Variants in SUGCT observed in about 807,000 individuals in gnomAD.
The protein encoded by SUGCT is succinyl-CoA:glutarate CoA-transferase.
SUGCT carries 41 observed loss-of-function variants against 55.0 expected under a neutral mutation model. The observed-to-expected ratio is 0.74, with a 90% CI of 0.58 to 0.97. The LOEUF (loss-of-function observed/expected upper bound fraction) is 0.97, where lower values mean the gene tolerates loss of function less well. SUGCT is among the 50% of genes least tolerant of loss of function. SUGCT has a pLI of 0.00. For missense variants in SUGCT, 568 were observed against 547.8 expected (o/e 1.04, Z -0.37); for synonymous variants, 187 against 200.4 (o/e 0.93, Z 0.56).
intron 8 of SUGCT, among the ~76,000 whole-genome samples, chr7:40,297,175 C>T (rs1407728640): frequency 6.6e-6 from 1 of 152,056 alleles, no homozygotes; most frequent in Admixed American, 6.6e-5. Flanking sequence ...TGTCCATGTT[C>T]ACCTTATTAC....
At chr7:40,840,039 G>C (rs1381956009) in intron 13 of SUGCT, among the ~76,000 whole-genome samples, 1 of 152,074 alleles carries the variant, frequency 6.6e-6, no homozygotes, top group African/African-American at 2.4e-5. Flanking sequence ...AGAAAAAACA[G>C]ATGACTCAGT....
Position 40,194,816 on chromosome 7 carries a change from G to T in SUGCT, c.364-124G>T, listed in dbSNP as rs77071634. The T allele has an allele frequency of 8.7e-3, 9,308 of 1,067,934 alleles. 500 individuals carry two copies. In the African/African-American group the frequency reaches 0.13, roughly 15 times the overall value. 66.2% of individuals were successfully genotyped at this position (1,067,934 alleles called of 1,614,324 possible). A position where few individuals can be genotyped will look rare whatever the true frequency, so the allele number is the denominator to read the frequency against. ...TAGAACTTCTATGTTTATCTAATTT[G>T]CTTCATCAGTCCTGTGATTTTTCTG... On this transcript the variant is annotated intron_variant, in intron 5 of 13. Coordinates refer to ENST00000335693, the MANE Select transcript of SUGCT (RefSeq NM_001193313.2).
At chr7:40,182,200 T>C (rs1236005979) in intron 3 of SUGCT, among the ~76,000 whole-genome samples, 172 bp downstream of exon 3, 1 of 152,238 alleles carries the variant, frequency 6.6e-6, no homozygotes, top group Non-Finnish European at 1.5e-5. Context: ...ACACTAATGA[T>C]ATCTTTTTCA....
At chr7:40,604,283 C>G (rs1272099973) in intron 12 of SUGCT, among the ~76,000 whole-genome samples, 5 of 152,176 alleles carry the variant, frequency 3.3e-5, no homozygotes, top group African/African-American at 9.6e-5. Context: ...ATGATGGTCC[C>G]TTGCTTTTCT....
At chr7:41,023,576 G>C in the SUGCT span, among the ~76,000 whole-genome samples, 2 of 152,122 alleles carry the variant, frequency 1.3e-5, no homozygotes, top group South Asian at 4.1e-4. Flanking sequence ...CCCTAAAATA[G>C]ATGCAGTGAA....
At chr7:40,221,431 T>G (rs1788016602) in intron 6 of SUGCT, among the ~76,000 whole-genome samples, 3 of 150,238 alleles carry the variant, frequency 2.0e-5, no homozygotes, top group African/African-American at 7.3e-5. Context: ...AAAAAAAATC[T>G]AATTATAAAA....
intron 11 of SUGCT, among the ~76,000 whole-genome samples, chr7:40,462,231 A>T (rs1400327560): frequency 6.6e-6 from 1 of 152,122 alleles, no homozygotes; most frequent in Non-Finnish European, 1.5e-5. Flanking sequence ...AAGAAATGAG[A>T]GAAAATGTCT....
At chr7:40,494,336 T>C (rs530688990) in intron 11 of SUGCT, among the ~76,000 whole-genome samples, 1 of 152,356 alleles carries the variant, frequency 6.6e-6, no homozygotes, top group Non-Finnish European at 1.5e-5. Context: ...TCTTTTATTC[T>C]TTCAGCATAT....
At chr7:40,196,988 C>T (rs557583128) in intron 6 of SUGCT, among the ~76,000 whole-genome samples, 1 of 152,178 alleles carries the variant, frequency 6.6e-6, no homozygotes, top group Admixed American at 6.6e-5. Context: ...GCATGTACCA[C>T]CTTGCCTGGC....
intron 13 of SUGCT, among the ~76,000 whole-genome samples, chr7:40,834,816 T>C (rs1313562729): frequency 1.3e-5 from 2 of 152,336 alleles, no homozygotes; most frequent in East Asian, 3.9e-4. Flanking sequence ...TTGCCATGGC[T>C]GTTTAGACAT....
At chr7:40,381,046 T>A (rs10807903) in intron 9 of SUGCT, among the ~76,000 whole-genome samples, 144,036 of 152,216 alleles carry the variant, frequency 0.95, 68,642 homozygotes, top group East Asian at 1. Context: ...TTGTCATATT[T>A]TTAATATCTA....
intron 9 of SUGCT, among the ~76,000 whole-genome samples, chr7:40,405,414 A>C (rs958732948): frequency 6.6e-6 from 1 of 152,100 alleles, no homozygotes; most frequent in Non-Finnish European, 1.5e-5. Context: ...TCCTTCTTTA[A>C]AATTAGCATT....
At chr7:40,671,460 T>G (rs1801937078) in intron 12 of SUGCT, among the ~76,000 whole-genome samples, 1 of 152,130 alleles carries the variant, frequency 6.6e-6, no homozygotes, top group Admixed American at 6.6e-5. Flanking sequence ...TGGTCTTTGT[T>G]TACAAATGAC....
rs534670484 is a variant in SUGCT at position 40,229,775 on chromosome 7, C to T, written c.485-7860C>T. Among the ~76,000 whole-genome samples the T allele has an allele frequency of 1.9e-3, 276 of 146,612 alleles. 1 individual carries two copies. The highest frequency in any genetic ancestry group is 6.7e-3 in the African/African-American group (259 of 38,912). On this transcript the variant is annotated intron_variant, in intron 6 of 13. Coordinates refer to ENST00000335693, the MANE Select transcript of SUGCT (RefSeq NM_001193313.2). ...GCTGCAGTGAGCCGAGATCGTGCAA[C>T]TGCACTCCAGCCTGGTCACAGATCA...
At chr7:40,850,964 TG>T (rs1243524167) in intron 13 of SUGCT, among the ~76,000 whole-genome samples, 1 of 152,222 alleles carries the variant, frequency 6.6e-6, no homozygotes, top group Non-Finnish European at 1.5e-5. Context: ...ACTGTGTGCC[TG>T]GTACTGTTCT....
chr7:40,610,221 A>T (rs1798709884), intron 12 of SUGCT, among the ~76,000 whole-genome samples: 2 of 152,228 alleles, frequency 1.3e-5, no homozygotes, highest in African/African-American at 4.8e-5. Flanking sequence ...TAGCATCCGC[A>T]TGTAAGTCTT....
At chr7:40,687,678 T>C (rs1315133827) in intron 12 of SUGCT, among the ~76,000 whole-genome samples, 1 of 152,184 alleles carries the variant, frequency 6.6e-6, no homozygotes, top group Non-Finnish European at 1.5e-5. Flanking sequence ...CCCCTTCATG[T>C]CCTATTGGCA....
intron 13 of SUGCT, among the ~76,000 whole-genome samples, chr7:40,765,409 C>A (rs1363375280): frequency 6.6e-6 from 1 of 151,308 alleles, no homozygotes; most frequent in Non-Finnish European, 1.5e-5. Flanking sequence ...TACATTCAAA[C>A]TCCTTCCTGG....
intron 12 of SUGCT, among the ~76,000 whole-genome samples, chr7:40,663,296 C>CAAAA (rs71000127): frequency 2.8e-4 from 42 of 149,040 alleles, no homozygotes; most frequent in Middle Eastern, 3.5e-3. Flanking sequence ...ATGTATATTT[C>CAAAA]AAAAAAAAAA....
Sources: gnomAD v4.1 joint callset for allele counts (sites outside exome capture counted in the v4.1 genomes callset) on GRCh38, gnomAD v4.1.1 for gene constraint, MANE v1.5 for transcripts, NCBI Gene and HGNC (gene_info 2026-07-23, HGNC 2026-07-21) for gene names.